USP28: variants seen among roughly 807,000 people sequenced by gnomAD.
USP28 encodes the protein ubiquitin specific peptidase 28, also known as ubiquitin carboxyl-terminal hydrolase 28.
USP28 carries 113 observed loss-of-function variants against 145.0 expected under a neutral mutation model. The observed-to-expected ratio is 0.78, with a 90% CI of 0.67 to 0.91. The LOEUF is 0.91. Among genes scored for constraint, USP28 ranks in the 40% least tolerant of loss-of-function variants. USP28 has a pLI of 0.00. For synonymous variants in USP28, 447 were observed against 450.9 expected (o/e 0.99, Z 0.11); for missense variants, 1,201 against 1,289.6 (o/e 0.93, Z 1.05).
intron 1 of USP28, among the ~76,000 whole-genome samples, chr11:113,862,552 C>G (rs963632870): frequency 6.6e-6 from 1 of 152,080 alleles, no homozygotes; most frequent in African/African-American, 2.4e-5. Context: ...TGGGATGACA[C>G]TAGGAAAAGA....
intron 1 of USP28, among the ~76,000 whole-genome samples, chr11:113,873,744 T>C (rs769673907): frequency 2.5e-5 from 3 of 118,702 alleles, no homozygotes; most frequent in Admixed American, 1.9e-4. Flanking sequence ...CACATTTCAA[T>C]AGGCACTTGT....
At chr11:113,863,772 T>C (rs1591486599) in intron 1 of USP28, among the ~76,000 whole-genome samples, 1 of 144,714 alleles carries the variant, frequency 6.9e-6, no homozygotes, top group East Asian at 2.2e-4. Context: ...GGTGAAACCC[T>C]GTCTCTACTA....
intron 8 of USP28, 82 bp downstream of exon 8, chr11:113,831,838 A>T (rs1944018598): frequency 1.5e-6 from 2 of 1,371,538 alleles, no homozygotes; most frequent in Non-Finnish European, 2.0e-6. Flanking sequence ...ATTTCTAGTT[A>T]AGGAGAGTAA....
At chr11:113,854,198 TA>T in intron 2 of USP28, 59 bp downstream of exon 2, 1 of 1,465,290 alleles carries the variant, frequency 6.8e-7, no homozygotes, top group South Asian at 1.2e-5. Flanking sequence ...TGAACTGACA[TA>T]ACTATAATAT....
chr11:113,845,276 T>TA (rs1246339832), intron 3 of USP28, among the ~76,000 whole-genome samples: 1 of 151,636 alleles, frequency 6.6e-6, no homozygotes, highest in Non-Finnish European at 1.5e-5. Context: ...CCGTCTCTAC[T>TA]AAAAATACAA....
chr11:113,845,157 G>A (rs1452696884), intron 3 of USP28, among the ~76,000 whole-genome samples: 1 of 149,600 alleles, frequency 6.7e-6, no homozygotes, highest in Admixed American at 6.7e-5. Context: ...AATAAAATAC[G>A]GCCAGGCATG....
At chr11:113,853,878 C>CAA (rs57739058) in intron 2 of USP28, among the ~76,000 whole-genome samples, 3,553 of 123,104 alleles carry the variant, frequency 0.029, 149 homozygotes, top group African/African-American at 0.073. Flanking sequence ...GACTCCATCT[C>CAA]AAAAAAAAAA....
chr11:113,821,971 A>T (rs190312757), intron 12 of USP28: 1 of 152,158 alleles, frequency 6.6e-6, no homozygotes, highest in East Asian at 1.9e-4. Flanking sequence ...TGAAGGTACA[A>T]CTCGAAGGTC....
chr11:113,864,913 C>A (rs1467676284), intron 1 of USP28, among the ~76,000 whole-genome samples: 1 of 152,046 alleles, frequency 6.6e-6, no homozygotes, highest in Non-Finnish European at 1.5e-5. Flanking sequence ...TAGAGTACAC[C>A]TCAACCTCCA....
intron 3 of USP28, among the ~76,000 whole-genome samples, chr11:113,852,218 C>T (rs1227930011): frequency 3.9e-5 from 6 of 152,040 alleles, no homozygotes; most frequent in Admixed American, 2.6e-4. Flanking sequence ...TTAGTAGAGA[C>T]GGGGTTTCAC....
At chr11:113,831,013 TC>T in intron 8 of USP28, 70 bp from the exon 9 acceptor site, 1 of 1,557,514 alleles carries the variant, frequency 6.4e-7, no homozygotes, top group Non-Finnish European at 8.8e-7. Context: ...AATCCAAGCA[TC>T]ATTCAAAAGC....
rs758380967 is a variant in USP28 at position 113,803,824 on chromosome 11, T to C, written c.2712A>G (p.Thr904=). The change falls in exon 22 of 25, where the codon ACA becomes ACG. Residue 904 remains threonine, a synonymous_variant. Transcript: ENST00000003302. ...TTCCTTTTTGATAGAGTTCTAGGCCTGTTAGGAGATACACAGACACTTTTC... is the reference window on the plus strand; with the variant it reads ...TTCCTTTTTGATAGAGTTCTAGGCCCGTTAGGAGATACACAGACACTTTTC... 3.7e-6 allele frequency: 6 copies of C among 1,614,036 alleles called. No homozygotes were observed. The South Asian group carries it at 6.6e-5, about 18-fold the overall frequency.
chr11:113,822,879 A>G (rs979231305), intron 12 of USP28, among the ~76,000 whole-genome samples: 1 of 152,116 alleles, frequency 6.6e-6, no homozygotes, highest in Non-Finnish European at 1.5e-5. Context: ...TAGGCCTGGT[A>G]TGGAAAGTGT....
chr11:113,839,843 T>C (rs1247252160), intron 5 of USP28, among the ~76,000 whole-genome samples: 1 of 152,018 alleles, frequency 6.6e-6, no homozygotes, highest in African/African-American at 2.4e-5. Flanking sequence ...ACCAACATGA[T>C]GAAACCCCAT....
chr11:113,856,709 TTTTATTTA>T (rs1046331404), intron 1 of USP28, among the ~76,000 whole-genome samples: 2 of 152,106 alleles, frequency 1.3e-5, no homozygotes, highest in Non-Finnish European at 2.9e-5. Flanking sequence ...TTTTATTTAT[TTTTATTTA>T]TTTATTTATT....
chr11:113,824,720 C>T (rs1943091026), intron 11 of USP28, among the ~76,000 whole-genome samples: 1 of 151,184 alleles, frequency 6.6e-6, no homozygotes, highest in Non-Finnish European at 1.5e-5. Context: ...TACCTGAGGA[C>T]GGGAGTTCAA....
At chr11:113,848,776 A>G (rs1946147840) in intron 3 of USP28, among the ~76,000 whole-genome samples, 1 of 152,162 alleles carries the variant, frequency 6.6e-6, no homozygotes, top group African/African-American at 2.4e-5. Flanking sequence ...CCTTCAAGCA[A>G]TAATAATTAG....
intron 5 of USP28, among the ~76,000 whole-genome samples, chr11:113,839,489 G>T (rs1944950066): frequency 6.6e-6 from 1 of 152,214 alleles, no homozygotes; most frequent in Admixed American, 6.5e-5. Flanking sequence ...GGAGGCTGAG[G>T]CAAGAGGATC....
At chr11:113,806,725 T>C (rs1940044377) in intron 18 of USP28, 141 bp from the exon 20 acceptor site, 1 of 546,954 alleles carries the variant, frequency 1.8e-6, no homozygotes, top group African/African-American at 2.0e-5. Flanking sequence ...CAAGCTGAGT[T>C]TCACACACCC....
Sources: gnomAD v4.1 joint callset for allele counts (sites outside exome capture counted in the v4.1 genomes callset) on GRCh38, gnomAD v4.1.1 for gene constraint, MANE v1.5 for transcripts, NCBI Gene and HGNC (gene_info 2026-07-23, HGNC 2026-07-21) for gene names.